MYRFL: variants seen among roughly 807,000 people sequenced by gnomAD.
MYRFL encodes the protein myelin regulatory factor-like protein.
A neutral mutation model predicts 109.4 loss-of-function variants in MYRFL; 88 were observed. The observed-to-expected ratio is 0.80, with a 90% CI of 0.68 to 0.96. The LOEUF is 0.96. Ranked by LOEUF, MYRFL falls within the 40% of genes least tolerant of loss-of-function variation. The pLI is 0.00. For missense variants in MYRFL, 957 were observed against 954.9 expected (o/e 1.00, Z -0.03); for synonymous variants, 324 against 320.9 (o/e 1.01, Z -0.10).
intron 13 of MYRFL, among the ~76,000 whole-genome samples, chr12:69,919,893 C>T (rs1954853709): frequency 6.6e-6 from 1 of 152,138 alleles, no homozygotes; most frequent in African/African-American, 2.4e-5. Context: ...AAAGAAAGGC[C>T]TATTTCAACT....
chr12:69,850,298 G>A (rs1014557015), intron 1 of MYRFL, among the ~76,000 whole-genome samples: 1 of 151,980 alleles, frequency 6.6e-6, no homozygotes, highest in African/African-American at 2.4e-5. Context: ...TCAGTAGGTA[G>A]ATAGATGGAT....
chr12:69,851,752 G>C lies in MYRFL; in HGVS notation c.47-3528G>C, dbSNP rs545502261. Among the ~76,000 whole-genome samples, 128 of 152,192 alleles carry C rather than the reference G, an allele frequency of 8.4e-4. 1 individual carries two copies. Among genetic ancestry groups the C allele is most frequent in the Non-Finnish European group, 1.4e-3 (95 of 68,004 alleles). On this transcript the variant is annotated intron_variant, in intron 1 of 24. Coordinates refer to ENST00000552032, the MANE Select transcript of MYRFL (RefSeq NM_182530.3). ...TGGCTCACTGTAGCCTCAACCTCCC[G>C]GGCTCAGAAGAACCACCCACCTTAG...
intron 1 of MYRFL, among the ~76,000 whole-genome samples, chr12:69,837,809 T>C (rs1883035637): frequency 6.6e-6 from 1 of 152,170 alleles, no homozygotes; most frequent in Non-Finnish European, 1.5e-5. Flanking sequence ...CCCAGTGTGT[T>C]TCCACAGTAC....
intron 2 of MYRFL, among the ~76,000 whole-genome samples, chr12:69,871,231 C>CTTT (rs58723853): frequency 1.4e-4 from 17 of 124,724 alleles, no homozygotes; most frequent in Non-Finnish European, 2.3e-4. Context: ...TTGGATATTT[C>CTTT]TTTTTTTTTT....
At chr12:69,880,338 G>A (rs768555079) in intron 5 of MYRFL, 46 bp downstream of exon 5, 5 of 690,328 alleles carry the variant, frequency 7.2e-6, no homozygotes, top group Admixed American at 2.1e-5. Flanking sequence ...TCAAAGCCTT[G>A]GGCATTAAAG....
intron 13 of MYRFL, among the ~76,000 whole-genome samples, chr12:69,919,450 T>A (rs1954839617): frequency 1.3e-5 from 2 of 152,350 alleles, no homozygotes; most frequent in African/African-American, 4.8e-5. Flanking sequence ...TCTTTCCATG[T>A]AAACCAGAAG....
intron 1 of MYRFL, among the ~76,000 whole-genome samples, chr12:69,827,612 A>G (rs1882364887): frequency 6.6e-6 from 1 of 152,108 alleles, no homozygotes; most frequent in Admixed American, 6.6e-5. Context: ...TTGTCATAAG[A>G]CGGGTGCATT....
At chr12:69,932,086 C>T (rs911376731) in intron 15 of MYRFL, among the ~76,000 whole-genome samples, 3 of 152,132 alleles carry the variant, frequency 2.0e-5, no homozygotes, top group Admixed American at 1.3e-4. Flanking sequence ...TCATGATACC[C>T]GAAATCATTC....
chr12:69,916,766 T>C (rs1152976), intron 13 of MYRFL, among the ~76,000 whole-genome samples: 85,947 of 151,988 alleles, frequency 0.57, 26,409 homozygotes, highest in East Asian at 0.89. Flanking sequence ...AATCCCATGA[T>C]GCCTTCAGTG....
chr12:69,928,455 C>T (rs1566032335), intron 15 of MYRFL, among the ~76,000 whole-genome samples: 2 of 152,180 alleles, frequency 1.3e-5, no homozygotes, highest in East Asian at 3.8e-4. Flanking sequence ...TATCCATGAC[C>T]TTAAATGACA....
At chr12:69,880,567 C>T (rs901678732) in intron 5 of MYRFL, among the ~76,000 whole-genome samples, 5 of 152,216 alleles carry the variant, frequency 3.3e-5, no homozygotes, top group African/African-American at 9.7e-5. Flanking sequence ...AGGATTCAGG[C>T]TCCAGGCCTG....
chr12:69,931,325 C>G (rs1955263408), intron 15 of MYRFL, among the ~76,000 whole-genome samples: 1 of 152,196 alleles, frequency 6.6e-6, no homozygotes, highest in African/African-American at 2.4e-5. Context: ...GTCCTCCGAA[C>G]AGTTTCTGTG....
chr12:69,949,790 T>C (rs888578280), intron 19 of MYRFL, among the ~76,000 whole-genome samples: 3 of 152,158 alleles, frequency 2.0e-5, no homozygotes, highest in Non-Finnish European at 4.4e-5. Flanking sequence ...AGCTCAATTT[T>C]TTTCCTACAT....
chr12:69,906,336 G>T (rs561300650), intron 11 of MYRFL, among the ~76,000 whole-genome samples: 4 of 152,294 alleles, frequency 2.6e-5, no homozygotes, highest in Admixed American at 2.6e-4. Flanking sequence ...AACTTGCCCA[G>T]CCATTGGCAT....
chr12:69,872,995 T>G (rs950057606), intron 2 of MYRFL, among the ~76,000 whole-genome samples: 2 of 152,176 alleles, frequency 1.3e-5, no homozygotes, highest in Non-Finnish European at 2.9e-5. Context: ...TATTGCACAA[T>G]AGACCTCCTT....
chr12:69,958,206 C>A, intron 23 of MYRFL, 43 bp from the exon 24 acceptor site: 2 of 1,462,848 alleles, frequency 1.4e-6, no homozygotes, highest in South Asian at 1.2e-5. Flanking sequence ...TACTGACTGT[C>A]AAATGCGTGT....
At chr12:69,827,383 G>A (rs1392561496) in intron 1 of MYRFL, among the ~76,000 whole-genome samples, 3 of 151,664 alleles carry the variant, frequency 2.0e-5, no homozygotes, top group Admixed American at 6.6e-5. Context: ...AAATCTTCAT[G>A]GTGTCTCAGG....
intron 20 of MYRFL, among the ~76,000 whole-genome samples, chr12:69,952,418 T>A (rs945883347): frequency 6.6e-6 from 1 of 152,380 alleles, no homozygotes; most frequent in East Asian, 1.9e-4. Context: ...TTATTTGAAC[T>A]TCCTGACCTC....
intron 7 of MYRFL, among the ~76,000 whole-genome samples, chr12:69,891,621 TTCCTCCTTC>T (rs1566002152): frequency 6.1e-5 from 6 of 98,674 alleles, no homozygotes; most frequent in African/African-American, 3.0e-4. Context: ...CTTTCTTTCT[TTCCTCCTTC>T]CTTTCTTTTT....
Sources: allele counts gnomAD v4.1 joint callset (sites outside exome capture counted in the v4.1 genomes callset), GRCh38; gene constraint gnomAD v4.1.1; transcripts MANE v1.5; gene names NCBI Gene and HGNC (gene_info 2026-07-23, HGNC 2026-07-21).